EBF1: variants seen among roughly 807,000 people sequenced by gnomAD.
The protein encoded by EBF1 is EBF transcription factor 1.
A neutral mutation model predicts 68.4 loss-of-function variants in EBF1; 10 were observed. That is an observed-to-expected ratio of 0.15 (90% CI 0.09 to 0.25). EBF1 has a LOEUF of 0.25. Ranked by LOEUF, EBF1 falls within the 10% of genes least tolerant of loss-of-function variation. EBF1 has a pLI of 1.00. For missense variants in EBF1, 509 were observed against 794.4 expected (o/e 0.64, Z 4.32); for synonymous variants, 298 against 299.8 (o/e 0.99, Z 0.06).
Position 158,860,103 on chromosome 5 carries a change from G to A in EBF1, c.555-19993C>T, listed in dbSNP as rs73300040. 1.5e-3 allele frequency among the ~76,000 whole-genome samples: 236 copies of A among 152,260 alleles called. 1 individual carries two copies. The highest frequency in any genetic ancestry group is 4.9e-3 in the African/African-American group (204 of 41,544). On this transcript the variant is annotated intron_variant, in intron 6 of 15. Transcript: ENST00000313708. ...GTACTGCCAATAAACTTCTAGTTCC[G>A]CACCTACTAATGATGCTATCAACAT... is the stretch of plus-strand genomic sequence containing the variant.
intron 6 of EBF1, among the ~76,000 whole-genome samples, chr5:159,055,692 G>A (rs1000854969): frequency 1.3e-5 from 2 of 152,128 alleles, no homozygotes; most frequent in African/African-American, 4.8e-5. Context: ...ATCTCTTTTT[G>A]GAGGTGGGAC....
intron 6 of EBF1, among the ~76,000 whole-genome samples, chr5:159,059,220 A>G (rs746033349): frequency 6.6e-6 from 1 of 152,218 alleles, no homozygotes; most frequent in Non-Finnish European, 1.5e-5. Context: ...GACATATAAT[A>G]TAACAGAGTT....
intron 9 of EBF1, among the ~76,000 whole-genome samples, chr5:158,793,128 A>G (rs778620172): frequency 2.0e-5 from 3 of 152,182 alleles, no homozygotes; most frequent in Non-Finnish European, 2.9e-5. Flanking sequence ...CCAAGCTTCA[A>G]TTTCCTCATC....
At chr5:158,830,835 C>T (rs115752948) in intron 7 of EBF1, among the ~76,000 whole-genome samples, 2,388 of 152,100 alleles carry the variant, frequency 0.016, 57 homozygotes, top group African/African-American at 0.055. Flanking sequence ...TTATGGAGGA[C>T]GCGTGAACCT....
At chr5:158,749,533 G>A (rs572255387) in intron 10 of EBF1, among the ~76,000 whole-genome samples, 1 of 152,258 alleles carries the variant, frequency 6.6e-6, no homozygotes, top group Admixed American at 6.5e-5. Context: ...GGTCACTTGA[G>A]TCTAGGATCA....
intron 9 of EBF1, among the ~76,000 whole-genome samples, chr5:158,793,081 C>T (rs1581933542): frequency 6.6e-6 from 1 of 152,308 alleles, no homozygotes; most frequent in East Asian, 1.9e-4. Context: ...CATCTCTCTA[C>T]CACTTGGCAA....
At chr5:158,844,634 A>G (rs577872535) in intron 6 of EBF1, among the ~76,000 whole-genome samples, 111 of 152,332 alleles carry the variant, frequency 7.3e-4, no homozygotes, top group Non-Finnish European at 1.1e-3. Context: ...TATAATCCAT[A>G]TGTCCTGATG....
chr5:158,925,450 C>A (rs1233577898), intron 6 of EBF1, among the ~76,000 whole-genome samples: 1 of 152,214 alleles, frequency 6.6e-6, no homozygotes, highest in Non-Finnish European at 1.5e-5. Context: ...TCCCTTGTGG[C>A]CATGTGACTA....
intron 6 of EBF1, among the ~76,000 whole-genome samples, chr5:158,948,040 T>A (rs1360430121): frequency 6.6e-6 from 1 of 152,224 alleles, no homozygotes; most frequent in East Asian, 1.9e-4. Flanking sequence ...CCCCCATTCC[T>A]AGAGGGTGAG....
intron 6 of EBF1, among the ~76,000 whole-genome samples, chr5:158,933,826 G>A (rs1811398782): frequency 6.6e-6 from 1 of 152,158 alleles, no homozygotes; most frequent in South Asian, 2.1e-4. Context: ...AATTAGATCT[G>A]CTCACACCCC....
At chr5:158,757,041 C>A (rs1436128293) in intron 10 of EBF1, among the ~76,000 whole-genome samples, 1 of 151,768 alleles carries the variant, frequency 6.6e-6, no homozygotes. Context: ...CCTTCACAGG[C>A]TGAGCCAGGA....
chr5:158,812,586 C>T (rs937265412), intron 8 of EBF1, among the ~76,000 whole-genome samples: 1 of 152,118 alleles, frequency 6.6e-6, no homozygotes, highest in African/African-American at 2.4e-5. Flanking sequence ...GGACTTCCTG[C>T]CTTTAGACCC....
Position 158,941,500 on chromosome 5 carries a change from C to T in EBF1, c.555-101390G>A, listed in dbSNP as rs76531812. On this transcript the variant is annotated intron_variant, in intron 6 of 15. Transcript: ENST00000313708. ...CACACACACTCATGCACACATTTAT[C>T]ATCAGGATTTCCACTGAATTATCCA... Among the ~76,000 whole-genome samples, 804 of 152,288 alleles carry T rather than the reference C, an allele frequency of 5.3e-3. 9 individuals carry two copies. Among genetic ancestry groups the T allele is most frequent in the African/African-American group, 0.019 (769 of 41,560 alleles).
At chr5:158,776,313 A>G (rs1775239593) in intron 10 of EBF1, among the ~76,000 whole-genome samples, 1 of 147,296 alleles carries the variant, frequency 6.8e-6, no homozygotes, top group Non-Finnish European at 1.5e-5. Context: ...TAATTTCGAG[A>G]GAGAGAGAGA....
intron 9 of EBF1, among the ~76,000 whole-genome samples, chr5:158,781,674 C>A (rs2127695516): frequency 6.6e-6 from 1 of 152,242 alleles, no homozygotes; most frequent in Non-Finnish European, 1.5e-5. Context: ...ATCATTATTT[C>A]TTTTTCTTCC....
intron 11 of EBF1, among the ~76,000 whole-genome samples, chr5:158,717,746 C>A (rs1028318593): frequency 6.6e-6 from 1 of 151,992 alleles, no homozygotes. Context: ...AATCTACATT[C>A]TGAGTCAGAC....
chr5:159,062,237 A>C (rs1775984621), intron 6 of EBF1, among the ~76,000 whole-genome samples: 1 of 152,184 alleles, frequency 6.6e-6, no homozygotes, highest in South Asian at 2.1e-4. Flanking sequence ...AAAGCCACAA[A>C]GATGCAGCCT....
At chr5:159,047,664 T>TA (rs1561880148) in intron 6 of EBF1, among the ~76,000 whole-genome samples, 1 of 152,170 alleles carries the variant, frequency 6.6e-6, no homozygotes. Flanking sequence ...CCCCTTTGTG[T>TA]AAAAAGACTC....
At chr5:159,057,845 C>G (rs749873654) in intron 6 of EBF1, among the ~76,000 whole-genome samples, 1 of 152,186 alleles carries the variant, frequency 6.6e-6, no homozygotes, top group Non-Finnish European at 1.5e-5. Flanking sequence ...TATTAGCGTT[C>G]TTAAGCTATT....
Sources: gnomAD v4.1 joint callset for allele counts (sites outside exome capture counted in the v4.1 genomes callset) on GRCh38, gnomAD v4.1.1 for gene constraint, MANE v1.5 for transcripts, NCBI Gene and HGNC (gene_info 2026-07-23, HGNC 2026-07-21) for gene names.